STAU2: variants seen among roughly 807,000 people sequenced by gnomAD.
STAU2 encodes staufen double-stranded RNA binding protein 2.
STAU2 carries 20 observed loss-of-function variants against 65.9 expected under a neutral mutation model. That is an observed-to-expected ratio of 0.30 (90% CI 0.21 to 0.44). The LOEUF (loss-of-function observed/expected upper bound fraction) is 0.44. Among genes scored for constraint, STAU2 ranks in the 20% least tolerant of loss-of-function variants. The pLI is 1.00. For synonymous variants in STAU2, 232 were observed against 233.9 expected, an observed-to-expected ratio of 0.99 and a Z score of 0.07; for missense variants, 558 against 683.9, an observed-to-expected ratio of 0.82 and a Z score of 2.05.
chr8:73,551,435 C>T (rs761868642), intron 13 of STAU2: 1 of 987,274 alleles, frequency 1.0e-6, no homozygotes, highest in Non-Finnish European at 1.2e-6. Flanking sequence ...AACAAATACA[C>T]ATTGTTATGC....
intron 3 of STAU2, among the ~76,000 whole-genome samples, chr8:73,720,855 C>T (rs1484687531): frequency 6.6e-6 from 1 of 151,766 alleles, no homozygotes; most frequent in African/African-American, 2.4e-5. Flanking sequence ...CTTTTTAAAC[C>T]ATAGATTACT....
At chr8:73,478,740 A>C (rs991069128) in intron 13 of STAU2, among the ~76,000 whole-genome samples, 12 of 151,706 alleles carry the variant, frequency 7.9e-5, no homozygotes, top group Non-Finnish European at 1.5e-4. Flanking sequence ...TCCTATTTTT[A>C]AGCCTTTTTC....
intron 6 of STAU2, among the ~76,000 whole-genome samples, chr8:73,660,111 A>C (rs1227348673): frequency 6.6e-6 from 1 of 152,212 alleles, no homozygotes; most frequent in Non-Finnish European, 1.5e-5. Flanking sequence ...GGCTCTGTTT[A>C]CTTATGCTTT....
intron 4 of STAU2, 86 bp from the exon 5 acceptor site, chr8:73,688,899 A>G (rs1819134942): frequency 1.3e-6 from 2 of 1,495,134 alleles, no homozygotes; most frequent in Admixed American, 3.9e-5. Context: ...TAAACATCAT[A>G]GAATCAGAAT....
At chr8:73,592,737 TA>T (rs1190468902) in intron 11 of STAU2, among the ~76,000 whole-genome samples, 1 of 152,010 alleles carries the variant, frequency 6.6e-6, no homozygotes, top group Non-Finnish European at 1.5e-5. Flanking sequence ...GTGCACACTG[TA>T]ATACCAGCTA....
At chr8:73,548,697 G>C (rs1447567694) in intron 13 of STAU2, among the ~76,000 whole-genome samples, 1 of 152,012 alleles carries the variant, frequency 6.6e-6, no homozygotes, top group Non-Finnish European at 1.5e-5. Flanking sequence ...CACCAACTAA[G>C]TGTTTCTTTA....
chr8:73,688,529 TG>T (rs1819110713), intron 5 of STAU2, 124 bp downstream of exon 5: 2 of 787,124 alleles, frequency 2.5e-6, no homozygotes, highest in Non-Finnish European at 4.2e-6. Flanking sequence ...TGTGTGTGTG[TG>T]TAGGTATGGG....
At chr8:73,625,109 C>T (rs1813539082) in intron 6 of STAU2, among the ~76,000 whole-genome samples, 1 of 152,028 alleles carries the variant, frequency 6.6e-6, no homozygotes, top group Non-Finnish European at 1.5e-5. Context: ...CTCATACATT[C>T]TGGTGGGAAT....
At chr8:73,692,197 CTT>C (rs542649483) in intron 4 of STAU2, among the ~76,000 whole-genome samples, 3 of 144,836 alleles carry the variant, frequency 2.1e-5, no homozygotes, top group South Asian at 2.2e-4. Flanking sequence ...CTACGTACTT[CTT>C]TTTTTTTTTT....
At chr8:73,441,366 C>G (rs1818118722) in intron 13 of STAU2, 1 of 151,908 alleles carries the variant, frequency 6.6e-6, no homozygotes, top group South Asian at 2.1e-4. Flanking sequence ...GTGGTGAAAC[C>G]CTGTCTCTAC....
In STAU2 at chr8:73,423,558, C is replaced by T. The variant is rs368440834; in HGVS notation, c.1531-856G>A. 2.9e-4 allele frequency among the ~76,000 whole-genome samples: 44 copies of T among 152,326 alleles called. No homozygotes were observed. The South Asian group carries it at 8.7e-3, about 30-fold the overall frequency. On this transcript the variant is annotated intron_variant, in intron 13 of 14. Coordinates refer to ENST00000524300, the MANE Select transcript of STAU2 (RefSeq NM_001164380.2). ...ATGAGCAGGCAGGGCTGTTTTCATC[C>T]TGGGGCATCCCGCTGGGTCACACTT...
chr8:73,460,804 A>T (rs945731204), intron 13 of STAU2, among the ~76,000 whole-genome samples: 1 of 152,218 alleles, frequency 6.6e-6, no homozygotes, highest in Non-Finnish European at 1.5e-5. Flanking sequence ...AAGGAGCTCT[A>T]AGATTGTCCT....
At chr8:73,612,454 T>C (rs1314539005) in intron 9 of STAU2, among the ~76,000 whole-genome samples, 1 of 152,222 alleles carries the variant, frequency 6.6e-6, no homozygotes, top group Non-Finnish European at 1.5e-5. Flanking sequence ...AGCTATATTC[T>C]ACTCCTGACT....
intron 13 of STAU2, among the ~76,000 whole-genome samples, chr8:73,501,066 T>C (rs1451819557): frequency 6.6e-6 from 1 of 151,900 alleles, no homozygotes; most frequent in Non-Finnish European, 1.5e-5. Context: ...ACTAATGATG[T>C]ACAATAGATG....
At chr8:73,525,532 T>A (rs1318775602) in intron 13 of STAU2, among the ~76,000 whole-genome samples, 1 of 152,190 alleles carries the variant, frequency 6.6e-6, no homozygotes, top group Non-Finnish European at 1.5e-5. Flanking sequence ...ACTAGCCTCA[T>A]TATCTTATAT....
chr8:73,630,694 T>G (rs1814026310), intron 6 of STAU2, among the ~76,000 whole-genome samples: 1 of 152,188 alleles, frequency 6.6e-6, no homozygotes, highest in South Asian at 2.1e-4. Flanking sequence ...GATGACATAT[T>G]ACTCCTGGGC....
At chr8:73,578,994 C>A (rs1238053780) in intron 12 of STAU2, among the ~76,000 whole-genome samples, 61 of 148,080 alleles carry the variant, frequency 4.1e-4, no homozygotes, top group Non-Finnish European at 5.2e-4. Context: ...CCCACCCCCC[C>A]AAAAAAACCA....
chr8:73,708,925 G>T, intron 4 of STAU2, 107 bp downstream of exon 4: 1 of 1,079,270 alleles, frequency 9.3e-7, no homozygotes, highest in Non-Finnish European at 1.2e-6. Context: ...AAGCCTTCAA[G>T]CCATCTGCTG....
chr8:73,473,550 T>C (rs1405991259), intron 13 of STAU2, among the ~76,000 whole-genome samples: 1 of 152,144 alleles, frequency 6.6e-6, no homozygotes, highest in African/African-American at 2.4e-5. Context: ...TATATGGATA[T>C]GCGATGAAGC....
Sources: allele counts gnomAD v4.1 joint callset (sites outside exome capture counted in the v4.1 genomes callset), GRCh38; gene constraint gnomAD v4.1.1; transcripts MANE v1.5; gene names NCBI Gene and HGNC (gene_info 2026-07-23, HGNC 2026-07-21).